Variants in PCDH15 observed in about 807,000 individuals in gnomAD.
PCDH15 encodes the protein protocadherin-15.
Under a neutral mutation model 178.5 loss-of-function variants are expected in PCDH15, and 129 were observed. That is an observed-to-expected ratio of 0.72 (90% CI 0.63 to 0.84). The LOEUF (loss-of-function observed/expected upper bound fraction) is 0.84, where lower values mean the gene tolerates loss of function less well. Among genes scored for constraint, PCDH15 ranks in the 40% least tolerant of loss-of-function variants. The probability of loss-of-function intolerance (pLI) is 0.00; values close to 1 mark genes in which losing one functional copy is unlikely to be tolerated. For missense variants in PCDH15, 2,230 were observed against 2,099.9 expected (o/e 1.06, Z -1.21); for synonymous variants, 800 against 732.0 (o/e 1.09, Z -1.50).
intron 1 of PCDH15, among the ~76,000 whole-genome samples, chr10:55,220,554 T>G (rs544758797): frequency 6.6e-6 from 1 of 152,080 alleles, no homozygotes; most frequent in Non-Finnish European, 1.5e-5. Flanking sequence ...ACTTAGGCTA[T>G]GTGGTAAAGA....
chr10:53,892,629 TAACAAGA>T lies in PCDH15; in HGVS notation c.3501+10607_3501+10613del, dbSNP rs376526580. On this transcript the variant is annotated intron_variant, in intron 26 of 37. Coordinates refer to ENST00000644397, the MANE Select transcript of PCDH15 (RefSeq NM_001384140.1). ...CTTGTCCACTTATATTAAAAGAACA[TAACAAGA>T]ATGTTTTACTTGTTCAGACTAATAA... Among the ~76,000 whole-genome samples the T allele has an allele frequency of 7.4e-4, 112 of 152,292 alleles. No individual in the cohort carries two copies. In the Middle Eastern group the frequency reaches 0.014, roughly 18 times the overall value.
chr10:54,904,264 CTT>C (rs1202922024), intron 2 of PCDH15, among the ~76,000 whole-genome samples: 1 of 151,986 alleles, frequency 6.6e-6, no homozygotes, highest in African/African-American at 2.4e-5. Flanking sequence ...TATATTTTAA[CTT>C]TGCATCTTAA....
chr10:55,524,729 C>A (rs1258504706), intron 2 of PCDH15, among the ~76,000 whole-genome samples: 1 of 151,208 alleles, frequency 6.6e-6, no homozygotes, highest in Non-Finnish European at 1.5e-5. Flanking sequence ...GAGTCATTGT[C>A]CATAGCTTAT....
chr10:54,734,783 C>A (rs1173149078), intron 1 of PCDH15, among the ~76,000 whole-genome samples: 1 of 151,858 alleles, frequency 6.6e-6, no homozygotes, highest in African/African-American at 2.4e-5. Flanking sequence ...AAATGGATAT[C>A]CTAACTGAAA....
chr10:54,275,319 A>T (rs771504890), intron 8 of PCDH15, among the ~76,000 whole-genome samples: 6 of 151,902 alleles, frequency 3.9e-5, no homozygotes, highest in Non-Finnish European at 5.9e-5. Flanking sequence ...TTTCCCAGTG[A>T]TTCTTGAGGT....
intron 3 of PCDH15, among the ~76,000 whole-genome samples, chr10:54,882,606 T>C (rs2131807573): frequency 6.6e-6 from 1 of 152,208 alleles, no homozygotes; most frequent in East Asian, 1.9e-4. Flanking sequence ...TAATATGTTA[T>C]ATTTATATTT....
At chr10:54,355,768 C>A (rs147858457) in intron 5 of PCDH15, among the ~76,000 whole-genome samples, 1 of 151,978 alleles carries the variant, frequency 6.6e-6, no homozygotes, top group Non-Finnish European at 1.5e-5. Flanking sequence ...AAAATTGGTT[C>A]TCAGCAAGCA....
At chr10:54,597,744 TAAGA>T (rs2092312191) in intron 2 of PCDH15, among the ~76,000 whole-genome samples, 2 of 151,928 alleles carry the variant, frequency 1.3e-5, no homozygotes, top group African/African-American at 4.8e-5. Context: ...CTGGTTAAAC[TAAGA>T]AAGAAGAAAA....
At chr10:54,033,294 T>C (rs1255921949) in intron 18 of PCDH15, among the ~76,000 whole-genome samples, 1 of 152,020 alleles carries the variant, frequency 6.6e-6, no homozygotes, top group Non-Finnish European at 1.5e-5. Context: ...ATTTTTTTCT[T>C]TCTAATAGAA....
intron 2 of PCDH15, among the ~76,000 whole-genome samples, chr10:55,621,379 C>A (rs1394134266): frequency 6.6e-6 from 1 of 152,040 alleles, no homozygotes; most frequent in African/African-American, 2.4e-5. Context: ...GCCAACAGAG[C>A]AATGGTCCCC....
chr10:54,202,747 G>A (rs2050367368), intron 10 of PCDH15, among the ~76,000 whole-genome samples: 2 of 150,930 alleles, frequency 1.3e-5, no homozygotes, highest in African/African-American at 2.4e-5. Flanking sequence ...GGGAGGCAGA[G>A]GTTGCAGTGA....
At chr10:54,011,825 G>T (rs1447421571) in intron 20 of PCDH15, among the ~76,000 whole-genome samples, 1 of 152,172 alleles carries the variant, frequency 6.6e-6, no homozygotes, top group East Asian at 1.9e-4. Flanking sequence ...AAGAACATCA[G>T]CGAACACAGA....
At chr10:54,903,236 T>A (rs1460879436) in intron 2 of PCDH15, among the ~76,000 whole-genome samples, 1 of 151,438 alleles carries the variant, frequency 6.6e-6, no homozygotes, top group African/African-American at 2.4e-5. Context: ...GGGAAGTGGC[T>A]ACATCACTAA....
intron 3 of PCDH15, among the ~76,000 whole-genome samples, chr10:54,413,920 A>G (rs1348838525): frequency 1.3e-5 from 2 of 152,128 alleles, no homozygotes; most frequent in Admixed American, 1.3e-4. Flanking sequence ...AATGGGTACA[A>G]TGTACACTAT....
At chr10:54,364,602 T>A (rs1438348365) in intron 5 of PCDH15, among the ~76,000 whole-genome samples, 1 of 152,192 alleles carries the variant, frequency 6.6e-6, no homozygotes, top group East Asian at 1.9e-4. Context: ...TCAAATCTTA[T>A]GTTTCCTTGC....
intron 15 of PCDH15, among the ~76,000 whole-genome samples, chr10:54,106,001 C>T (rs935116261): frequency 6.6e-6 from 1 of 152,048 alleles, no homozygotes; most frequent in African/African-American, 2.4e-5. Flanking sequence ...GGCATTAAAA[C>T]GTTAAACTAA....
chr10:54,266,911 T>C (rs1251161226), intron 8 of PCDH15, among the ~76,000 whole-genome samples: 1 of 151,836 alleles, frequency 6.6e-6, no homozygotes, highest in Non-Finnish European at 1.5e-5. Flanking sequence ...GGATGAGAGA[T>C]TCTTCTCTAA....
At chr10:54,008,986 A>G (rs1322576312) in intron 20 of PCDH15, among the ~76,000 whole-genome samples, 7 of 152,200 alleles carry the variant, frequency 4.6e-5, no homozygotes, top group Admixed American at 6.5e-5. Context: ...TCTAAATGTT[A>G]TAACACAATA....
chr10:54,756,324 T>C lies in PCDH15; in HGVS notation c.-29+44601A>G, dbSNP rs1365499394. On this transcript the variant is annotated intron_variant, in intron 1 of 37. Transcript: ENST00000644397. ...AGTGCAAAAAGAAAAGCTATCTTAT[T>C]ACTGACGTGTCCCTATCCTTTATAT... Among the ~76,000 whole-genome samples, 12 of 152,052 alleles carry C rather than the reference T, an allele frequency of 7.9e-5. 1 individual carries two copies. Among genetic ancestry groups the C allele is most frequent in the Admixed American group, 7.9e-4 (12 of 15,254 alleles).
Sources: allele counts gnomAD v4.1 joint callset (sites outside exome capture counted in the v4.1 genomes callset), GRCh38; gene constraint gnomAD v4.1.1; transcripts MANE v1.5; gene names NCBI Gene and HGNC (gene_info 2026-07-23, HGNC 2026-07-21).